Variants in ZMAT4 observed in about 807,000 individuals in gnomAD.
ZMAT4 encodes zinc finger matrin-type protein 4.
A neutral mutation model predicts 28.7 loss-of-function variants in ZMAT4; 17 were observed. The observed-to-expected ratio is 0.59, with a 90% CI of 0.41 to 0.89. ZMAT4 has a LOEUF of 0.89. Ranked by LOEUF, ZMAT4 falls within the 40% of genes least tolerant of loss-of-function variation. The pLI is 0.00. For missense variants in ZMAT4, 240 were observed against 283.8 expected (o/e 0.85, Z 1.11); for synonymous variants, 117 against 109.2 (o/e 1.07, Z -0.44).
intron 5 of ZMAT4, among the ~76,000 whole-genome samples, chr8:40,598,774 A>G (rs1805191594): frequency 6.6e-6 from 1 of 152,172 alleles, no homozygotes; most frequent in African/African-American, 2.4e-5. Context: ...CCTAGAATTC[A>G]ATGAGATAAA....
chr8:40,678,868 C>G (rs550203809), intron 4 of ZMAT4, among the ~76,000 whole-genome samples: 1 of 152,292 alleles, frequency 6.6e-6, no homozygotes, highest in African/African-American at 2.4e-5. Flanking sequence ...TTGGTATAAA[C>G]ATACATACAT....
At chr8:40,536,736 G>T (rs1802858684) in intron 6 of ZMAT4, among the ~76,000 whole-genome samples, 1 of 151,982 alleles carries the variant, frequency 6.6e-6, no homozygotes, top group Admixed American at 6.6e-5. Context: ...AATTTACCCT[G>T]ACACAACAAA....
At chr8:40,833,335 C>T (rs1365599596) in intron 1 of ZMAT4, among the ~76,000 whole-genome samples, 1 of 152,000 alleles carries the variant, frequency 6.6e-6, no homozygotes, top group Non-Finnish European at 1.5e-5. Flanking sequence ...TATGAGAGGC[C>T]GAGGTGGGCA....
intron 3 of ZMAT4, among the ~76,000 whole-genome samples, chr8:40,737,204 AT>A (rs1439944679): frequency 3.9e-5 from 3 of 76,252 alleles, no homozygotes; most frequent in Admixed American, 2.3e-4. Context: ...ACATTATGAG[AT>A]TTTTTTTGCG....
chr8:40,654,779 C>CA (rs1207719752), intron 5 of ZMAT4, among the ~76,000 whole-genome samples: 1 of 151,590 alleles, frequency 6.6e-6, no homozygotes, highest in Non-Finnish European at 1.5e-5. Flanking sequence ...AAACACTCAA[C>CA]AAACTGTAAT....
chr8:40,793,981 G>T (rs969847538), intron 2 of ZMAT4, among the ~76,000 whole-genome samples: 1 of 152,126 alleles, frequency 6.6e-6, no homozygotes, highest in Non-Finnish European at 1.5e-5. Context: ...CTCCCCACCC[G>T]CTGGTATTCT....
chr8:40,615,420 C>A (rs7822214), intron 5 of ZMAT4, among the ~76,000 whole-genome samples: 6,313 of 152,140 alleles, frequency 0.041, 416 homozygotes, highest in African/African-American at 0.14. Flanking sequence ...TTGCTCTTCT[C>A]GAGAAGTATC....
chr8:40,871,601 A>G (rs1363863672), intron 1 of ZMAT4, among the ~76,000 whole-genome samples: 1 of 152,218 alleles, frequency 6.6e-6, no homozygotes, highest in African/African-American at 2.4e-5. Context: ...GGGAAAAAAG[A>G]GATTCCCAAC....
At chr8:40,716,731 GGGTC>G (rs1810871564) in intron 3 of ZMAT4, among the ~76,000 whole-genome samples, 1 of 152,108 alleles carries the variant, frequency 6.6e-6, no homozygotes, top group African/African-American at 2.4e-5. Context: ...AGTTTGATTA[GGGTC>G]CAAATGTCTC....
chr8:40,831,906 G>A (rs1258163512), intron 1 of ZMAT4, among the ~76,000 whole-genome samples: 1 of 152,174 alleles, frequency 6.6e-6, no homozygotes, highest in African/African-American at 2.4e-5. Context: ...CAGGCCTTGT[G>A]CTGAGGGCTT....
chr8:40,660,892 G>A (rs925168885), intron 5 of ZMAT4, among the ~76,000 whole-genome samples: 15 of 152,118 alleles, frequency 9.9e-5, no homozygotes, highest in Non-Finnish European at 1.8e-4. Flanking sequence ...CAGGTAAAAA[G>A]CTCTTCACAG....
At chr8:40,553,052 G>A (rs984132982) in intron 6 of ZMAT4, among the ~76,000 whole-genome samples, 6 of 152,242 alleles carry the variant, frequency 3.9e-5, no homozygotes, top group African/African-American at 1.4e-4. Context: ...ATGGGTTAAA[G>A]GTGTGTGACT....
chr8:40,881,343 A>G (rs900115283), intron 1 of ZMAT4, among the ~76,000 whole-genome samples: 1 of 151,004 alleles, frequency 6.6e-6, no homozygotes, highest in African/African-American at 2.4e-5. Context: ...GAGCTGTGAG[A>G]CACCACTGCA....
Position 40,829,518 on chromosome 8 carries a change from A to G in ZMAT4, c.-4-3838T>C, listed in dbSNP as rs191035160. Among the ~76,000 whole-genome samples the G allele has an allele frequency of 1.0e-3, 156 of 152,326 alleles. 1 individual carries two copies. Among genetic ancestry groups the G allele is most frequent in the African/African-American group, 3.6e-3 (149 of 41,572 alleles). ...AGGTGCATCTAGGTATCAGGAATAA[A>G]GGAAGCATCAAGGAGGAGTGCTTTT... On this transcript the variant is annotated intron_variant, in intron 1 of 6. Coordinates refer to ENST00000297737, the MANE Select transcript of ZMAT4 (RefSeq NM_024645.3).
At chr8:40,795,790 A>G (rs1437132247) in intron 2 of ZMAT4, among the ~76,000 whole-genome samples, 1 of 152,252 alleles carries the variant, frequency 6.6e-6, no homozygotes, top group Non-Finnish European at 1.5e-5. Flanking sequence ...ATTCTTGAGC[A>G]TCCAAAGGGA....
rs1418283881 is a variant in ZMAT4, at chr8:40,545,477, C to T, written c.675-13239G>A. On this transcript the variant is annotated intron_variant, in intron 6 of 6. Transcript: ENST00000297737. ...TAACACTCAGTGTCTCAGAATGCAACCTTATTTGGAAATAATCATTGTAGA... is the reference window on the plus strand; with the variant it reads ...TAACACTCAGTGTCTCAGAATGCAATCTTATTTGGAAATAATCATTGTAGA... 2.0e-5 allele frequency among the ~76,000 whole-genome samples: 3 copies of T among 152,192 alleles called. No individual in the cohort carries two copies. The East Asian group carries it at 5.8e-4, about 29-fold the overall frequency.
At chr8:40,686,659 A>T (rs1585878218) in intron 4 of ZMAT4, among the ~76,000 whole-genome samples, 1 of 152,256 alleles carries the variant, frequency 6.6e-6, no homozygotes, top group East Asian at 1.9e-4. Context: ...AACAATTTTT[A>T]AAAATCATAA....
intron 5 of ZMAT4, among the ~76,000 whole-genome samples, chr8:40,641,151 T>C (rs1315936932): frequency 6.6e-6 from 1 of 152,142 alleles, no homozygotes; most frequent in Non-Finnish European, 1.5e-5. Flanking sequence ...GTGTCAAATA[T>C]GTCCAATATC....
chr8:40,673,155 C>A (rs1235281161), intron 5 of ZMAT4, among the ~76,000 whole-genome samples: 7 of 152,136 alleles, frequency 4.6e-5, no homozygotes, highest in Non-Finnish European at 1.0e-4. Flanking sequence ...CTGACCTTTG[C>A]CCATGCGTAT....
Sources: gnomAD v4.1 joint callset for allele counts (sites outside exome capture counted in the v4.1 genomes callset) on GRCh38, gnomAD v4.1.1 for gene constraint, MANE v1.5 for transcripts, NCBI Gene and HGNC (gene_info 2026-07-23, HGNC 2026-07-21) for gene names.